Variants in GIT2 observed in about 807,000 individuals in gnomAD.
GIT2 encodes the protein ARF GTPase-activating protein GIT2.
A neutral mutation model predicts 100.3 loss-of-function variants in GIT2; 32 were observed. The ratio of observed to expected loss-of-function variants is 0.32; its 90% CI spans 0.24 to 0.43. GIT2 has a LOEUF of 0.43. GIT2 is among the 20% of genes least tolerant of loss of function. The pLI is 1.00. For synonymous variants in GIT2, 353 were observed against 364.1 expected (o/e 0.97, Z 0.35); for missense variants, 737 against 975.1 (o/e 0.76, Z 3.25).
chr12:109,989,749 C>G lies in GIT2; in HGVS notation c.240G>C (p.Leu80Phe), dbSNP rs941723847. Reference protein sequence around the residue: ...NGANSIWEHSLLDPASIMSGR... With the variant: ...NGANSIWEHSFLDPASIMSGR... The stretch of plus-strand genomic sequence containing the variant: ...CACTCATAATAGACGCAGGGTCCAG[C>G]AAAGAATGCTCCCATATAGAGTTAG... Residue 80 changes from leucine (L) to phenylalanine (F), a missense_variant, in exon 3 of 20, where the codon TTG becomes TTC. By Grantham distance (22) the Leu-to-Phe change is conservative. Coordinates refer to ENST00000355312, the MANE Select transcript of GIT2 (RefSeq NM_057169.5). The G allele has an allele frequency of 5.0e-6, 8 of 1,608,220 alleles. No homozygotes were observed. The East Asian group carries it at 1.6e-4, about 31-fold the overall frequency.
intron 8 of GIT2, 85 bp from the exon 9 acceptor site, chr12:109,965,662 A>C (rs1316195627): frequency 1.1e-6 from 1 of 889,554 alleles, no homozygotes; most frequent in African/African-American, 1.6e-5. Flanking sequence ...AAGAGATAAA[A>C]ATATTAATTA....
At chr12:109,976,363 C>G (rs1885058046) in intron 7 of GIT2, among the ~76,000 whole-genome samples, 1 of 145,896 alleles carries the variant, frequency 6.9e-6, no homozygotes, top group African/African-American at 2.6e-5. Flanking sequence ...CAGCTCACTA[C>G]AAGCTCCGCC....
intron 7 of GIT2, among the ~76,000 whole-genome samples, chr12:109,976,017 A>C (rs1884943199): frequency 6.6e-6 from 1 of 151,542 alleles, no homozygotes; most frequent in Non-Finnish European, 1.5e-5. Context: ...TGATCTGCCC[A>C]CCTCAGCCTC....
rs1881130747 is a variant in GIT2, at chr12:109,961,693, T to TA, written c.817-9dup. On this transcript the variant is annotated splice_polypyrimidine_tract_variant and intron_variant, in intron 9 of 19. Coordinates refer to ENST00000355312, the MANE Select transcript of GIT2 (RefSeq NM_057169.5). ...AAACAAATGATTACTTAGCTGAAAATAAAAAATATCAGGAACACAAGGGAC... is the reference window on the plus strand; with the variant it reads ...AAACAAATGATTACTTAGCTGAAAATAAAAAAATATCAGGAACACAAGGGAC... 2.0e-6 allele frequency: 3 copies of TA among 1,531,838 alleles called. No homozygotes were observed. Among genetic ancestry groups the TA allele is most frequent in the Non-Finnish European group, 2.7e-6 (3 of 1,105,818 alleles). 94.9% of individuals were successfully genotyped at this position (1,531,838 alleles called of 1,614,324 possible).
In GIT2 at chr12:109,992,019, T is replaced by C. The variant is rs568505327; in HGVS notation, c.53-259A>G. On this transcript the variant is annotated intron_variant, in intron 1 of 19. Coordinates refer to ENST00000355312, the MANE Select transcript of GIT2 (RefSeq NM_057169.5). ...CTTCTTTCTGGTTCAGGGCCACAGTTTGTAGCCCTAATGTGGATCTACCAT... is the reference window on the plus strand; with the variant it reads ...CTTCTTTCTGGTTCAGGGCCACAGTCTGTAGCCCTAATGTGGATCTACCAT... 1.8e-5 allele frequency: 7 copies of C among 391,100 alleles called. No individual in the cohort carries two copies. In the Admixed American group the frequency reaches 2.1e-4, roughly 12 times the overall value. 24.2% of individuals were successfully genotyped at this position (391,100 alleles called of 1,614,324 possible).
At chr12:109,989,213 T>G (rs1379828137) in intron 3 of GIT2, 145 bp from the exon 4 acceptor site, 1 of 638,692 alleles carries the variant, frequency 1.6e-6, no homozygotes, top group Non-Finnish European at 2.8e-6. Flanking sequence ...CAGCAAGGTT[T>G]AAGACCTGCA....
intron 6 of GIT2, 149 bp downstream of exon 6, chr12:109,983,224 A>G (rs755920711): frequency 7.1e-6 from 5 of 701,398 alleles, no homozygotes; most frequent in Non-Finnish European, 1.2e-5. Context: ...CTGAGCTTAT[A>G]TGCATTTGAA....
intron 1 of GIT2, among the ~76,000 whole-genome samples, chr12:109,995,703 G>A (rs764021814): frequency 2.6e-5 from 4 of 152,218 alleles, no homozygotes; most frequent in Non-Finnish European, 5.9e-5. Context: ...TGTCAGCAGC[G>A]GGGAAGTCAT....
intron 2 of GIT2, among the ~76,000 whole-genome samples, chr12:109,991,250 C>T (rs1338517604): frequency 1.3e-5 from 2 of 149,120 alleles, no homozygotes; most frequent in African/African-American, 5.0e-5. Context: ...GCGGAGGTTA[C>T]AGTGAGCTGA....
intron 8 of GIT2, 157 bp downstream of exon 8, chr12:109,967,301 G>A (rs764502802): frequency 1.3e-6 from 2 of 1,586,962 alleles, no homozygotes; most frequent in East Asian, 2.2e-5. Flanking sequence ...GTTTTATATA[G>A]TGGTTTACTT....
chr12:109,951,098 G>T, intron 14 of GIT2, 69 bp downstream of exon 14: 1 of 1,347,110 alleles, frequency 7.4e-7, no homozygotes, highest in Non-Finnish European at 1.1e-6. Context: ...CCACATCACA[G>T]TGCCTGAGAT....
At chr12:109,960,764 T>C (rs1880862024) in intron 11 of GIT2, among the ~76,000 whole-genome samples, 1 of 152,248 alleles carries the variant, frequency 6.6e-6, no homozygotes, top group Middle Eastern at 3.2e-3. Flanking sequence ...GAAAATCACG[T>C]GCATAAATCT....
chr12:109,932,882 T>C lies in GIT2; in HGVS notation c.*96A>G, dbSNP rs1441769974. ...TAAAAAGTTTTAAACCGTCATTAAA[T>C]GTTTCTTTTTGTAGAAATCTGAAGA... On this transcript the variant is annotated 3_prime_UTR_variant, in exon 20 of 20. Coordinates refer to ENST00000355312, the MANE Select transcript of GIT2 (RefSeq NM_057169.5). 4.0e-6 allele frequency: 3 copies of C among 744,424 alleles called. No individual in the cohort carries two copies. Among genetic ancestry groups the C allele is most frequent in the East Asian group, 2.5e-5 (1 of 40,334 alleles). The allele number at this position is 744,424 out of a possible 1,614,324, so 46.1% of individuals were successfully genotyped here. A position where few individuals can be genotyped will look rare whatever the true frequency, so the allele number is the denominator to read the frequency against.
chr12:109,984,159 C>A (rs1886881456), intron 4 of GIT2, among the ~76,000 whole-genome samples: 1 of 152,146 alleles, frequency 6.6e-6, no homozygotes, highest in African/African-American at 2.4e-5. Flanking sequence ...CCTGTAATCC[C>A]AGCACTTTGG....
intron 4 of GIT2, among the ~76,000 whole-genome samples, chr12:109,986,681 C>T (rs1887445960): frequency 1.3e-5 from 2 of 152,162 alleles, no homozygotes; most frequent in Non-Finnish European, 2.9e-5. Context: ...AGGAGAATGG[C>T]ATGAACCCGG....
At chr12:109,973,026 C>T (rs1884275392) in intron 7 of GIT2, among the ~76,000 whole-genome samples, 1 of 152,076 alleles carries the variant, frequency 6.6e-6, no homozygotes, top group African/African-American at 2.4e-5. Flanking sequence ...TGGGGTCTTG[C>T]TATGTTGCCC....
chr12:109,930,842 C>G lies in GIT2; in HGVS notation c.*2136G>C, dbSNP rs1157817524. 3.9e-5 allele frequency: 6 copies of G among 152,156 alleles called. No homozygotes were observed. The highest frequency in any genetic ancestry group is 1.4e-4 in the African/African-American group (6 of 41,412). 9.4% of individuals were successfully genotyped at this position (152,156 alleles called of 1,614,324 possible). A position where few individuals can be genotyped will look rare whatever the true frequency, so the allele number is the denominator to read the frequency against. On this transcript the variant is annotated 3_prime_UTR_variant, in exon 20 of 20. Coordinates refer to ENST00000355312, the MANE Select transcript of GIT2 (RefSeq NM_057169.5). ...CTGGGACAGCAGGGGCAGGGGTTTG[C>G]AAGATAAAGGAGGGTCAGCTAAGGA...
At chr12:109,939,107 T>C (rs1367278924) in intron 17 of GIT2, 58 bp downstream of exon 17, 1 of 982,854 alleles carries the variant, frequency 1.0e-6, no homozygotes. Flanking sequence ...GGCCCAGGCC[T>C]GCCAGGTCTC....
chr12:109,992,070 G>A (rs1888499698), intron 1 of GIT2: 1 of 224,092 alleles, frequency 4.5e-6, no homozygotes, highest in Non-Finnish European at 8.6e-6. Flanking sequence ...TTTCATTCAA[G>A]CTAAGAAAGC....
Sources: allele counts gnomAD v4.1 joint callset (sites outside exome capture counted in the v4.1 genomes callset), GRCh38; gene constraint gnomAD v4.1.1; transcripts MANE v1.5; gene names NCBI Gene and HGNC (gene_info 2026-07-23, HGNC 2026-07-21).